Variants in LHB observed in about 807,000 individuals in gnomAD.
The protein encoded by LHB is lutropin subunit beta.
LHB carries 11 observed loss-of-function variants against 10.6 expected under a neutral mutation model. That is an observed-to-expected ratio of 1.04 (90% CI 0.66 to 1.72). The LOEUF is 1.72. Among genes scored for constraint, LHB ranks in the 40% most tolerant of loss-of-function variants. The probability of loss-of-function intolerance (pLI) is 0.00; values close to 1 mark genes in which losing one functional copy is unlikely to be tolerated. For synonymous variants in LHB, 86 were observed against 83.1 expected, an observed-to-expected ratio of 1.03 and a Z score of -0.19; for missense variants, 184 against 197.3, an observed-to-expected ratio of 0.93 and a Z score of 0.41.
At chr19:49,016,743 T>C (rs1600205664) in intron 1 of LHB, 29 bp from the exon 2 acceptor site, 1 of 1,607,776 alleles carries the variant, frequency 6.2e-7, no homozygotes, top group Non-Finnish European at 8.5e-7. Flanking sequence ...TTCACCCAGG[T>C]CTGAGACCGC....
At chr19:49,017,899 G>C (rs1299671629), upstream of LHB, 2 of 398,144 alleles carry the variant, frequency 5.0e-6, no homozygotes, top group Non-Finnish European at 8.9e-6. Flanking sequence ...CCTAGTGAGC[G>C]GAGGTCCCGA....
At chr19:49,017,187 TC>T, upstream of LHB, 1 of 1,565,816 alleles carries the variant, frequency 6.4e-7, no homozygotes, top group Non-Finnish European at 8.8e-7. Context: ...TGGACACTAA[TC>T]CCCCCGGGGG....
At chr19:49,017,008 C>T (rs1342600567) in intron 1 of LHB, 59 bp downstream of exon 1, 2 of 1,612,992 alleles carry the variant, frequency 1.2e-6, no homozygotes, top group African/African-American at 1.3e-5. Flanking sequence ...TCTGCCCCTT[C>T]TCATGCCAGT....
chr19:49,019,194 C>G (rs374988188), upstream of LHB: 1,603 of 1,405,586 alleles, frequency 1.1e-3, 13 homozygotes, highest in African/African-American at 0.02. Context: ...TTCTCATACC[C>G]GAACCCTTCC....
chr19:49,018,487 C>G (rs2039593326), upstream of LHB: 3 of 461,458 alleles, frequency 6.5e-6, no homozygotes, highest in Non-Finnish European at 1.1e-5. Context: ...CACGCGTTGC[C>G]TGCGTTCCTG....
upstream of LHB, chr19:49,019,491 C>A: frequency 8.4e-7 from 1 of 1,190,576 alleles, no homozygotes; most frequent in Non-Finnish European, 1.0e-6. Context: ...GTCCTTCTGG[C>A]CTGGCCTAAT....
chr19:49,017,714 A>G, upstream of LHB: 1 of 484,462 alleles, frequency 2.1e-6, no homozygotes, highest in Non-Finnish European at 3.2e-6. Flanking sequence ...TTAACTCATT[A>G]TTTAATACGC....
At chr19:49,016,811 A>T in intron 1 of LHB, 97 bp from the exon 2 acceptor site, 2 of 1,594,412 alleles carry the variant, frequency 1.3e-6, no homozygotes, top group Non-Finnish European at 1.7e-6. Context: ...AGACCCAGAG[A>T]CCCTTCCCGG....
upstream of LHB, among the ~76,000 whole-genome samples, chr19:49,018,700 G>C (rs2039595020): frequency 6.6e-6 from 1 of 151,556 alleles, no homozygotes; most frequent in African/African-American, 2.4e-5. Flanking sequence ...AAGGACTCCT[G>C]GGTGCTTAAA....
rs761300947 is a variant in LHB, at chr19:49,016,248, C to T, written c.246G>A (p.Val82=). Residue 82 remains valine, a synonymous_variant, in exon 3 of 3, where the codon GTG becomes GTA. Transcript: ENST00000649238. The part of the protein sequence containing the change: ...LPQVVCTYRD[V]RFESIRLPGC... ...CAGGGAGCCGGATGGACTCGAAGCG[C>T]ACATCACGGTAGGTGCACACCACCT... The T allele has an allele frequency of 3.7e-6, 6 of 1,612,322 alleles. No individual in the cohort carries two copies. The East Asian group carries it at 8.9e-5, about 24-fold the overall frequency.
upstream of LHB, chr19:49,019,373 A>T: frequency 8.1e-7 from 1 of 1,232,690 alleles, no homozygotes; most frequent in Non-Finnish European, 1.0e-6. Flanking sequence ...ACCTCTCCCA[A>T]CTCCCACCTG....
At chr19:49,018,105 G>A, upstream of LHB, 1 of 399,336 alleles carries the variant, frequency 2.5e-6, no homozygotes, top group Non-Finnish European at 4.4e-6. Context: ...CGGTCGAGCC[G>A]CCGGAGCGGG....
upstream of LHB, chr19:49,017,699 G>A (rs375102224): frequency 2.1e-4 from 114 of 554,514 alleles, 2 homozygotes; most frequent in African/African-American, 1.9e-3. Context: ...TGTGGTTCAG[G>A]TGATTTAACT....
upstream of LHB, chr19:49,019,494 GGCCTAAT>G: frequency 8.6e-7 from 1 of 1,168,288 alleles, no homozygotes; most frequent in Non-Finnish European, 1.1e-6. Flanking sequence ...CTTCTGGCCT[GGCCTAAT>G]GCCCAGCCCC....
upstream of LHB, chr19:49,018,059 TGCGGGCCGCCCCAGG>T: frequency 2.5e-6 from 1 of 398,676 alleles, no homozygotes; most frequent in Non-Finnish European, 4.4e-6. Context: ...GGGCTTCCAG[TGCGGGCCGCCCCAGG>T]GCGCCTCCAG....
chr19:49,016,649 T>A lies in LHB; in HGVS notation c.81A>T (p.Pro27=), dbSNP rs374140759. 36 of 1,612,042 alleles carry A rather than the reference T, an allele frequency of 2.2e-5. No homozygotes were observed. In the African/African-American group the frequency reaches 3.3e-4, roughly 15 times the overall value. Residue 27 remains proline (P), a synonymous_variant, in exon 2 of 3, where the codon CCA becomes CCT. Coordinates refer to ENST00000649238, the MANE Select transcript of LHB (RefSeq NM_000894.3). ...GAWASREPLR[P]WCHPINAILA... ...GGATGGCATTGATGGGGTGGCACCA[T>A]GGCCGAAGCGGCTCCCTGGATGCCC... is the stretch of plus-strand genomic sequence containing the variant.
At chr19:49,018,032 C>A, upstream of LHB, 1 of 398,592 alleles carries the variant, frequency 2.5e-6, no homozygotes. Flanking sequence ...TTTCGGCACG[C>A]TGTAGATGCC....
At chr19:49,016,441 A>T in intron 2 of LHB, 106 bp downstream of exon 2, 2 of 1,601,666 alleles carry the variant, frequency 1.2e-6, no homozygotes, top group South Asian at 1.1e-5. Context: ...CCCACACCCC[A>T]TTCCCCAACC....
chr19:49,017,396 T>G (rs1354331741), upstream of LHB: 15 of 1,107,174 alleles, frequency 1.4e-5, no homozygotes, highest in South Asian at 3.5e-5. Context: ...CTCTGCCAAT[T>G]GTGGGGTCTT....
Sources: gnomAD v4.1 joint callset for allele counts (sites outside exome capture counted in the v4.1 genomes callset) on GRCh38, gnomAD v4.1.1 for gene constraint, MANE v1.5 for transcripts, NCBI Gene and HGNC (gene_info 2026-07-23, HGNC 2026-07-21) for gene names.